Variants in MGAT5B observed in about 807,000 individuals in gnomAD.
MGAT5B encodes the protein alpha-1,6-mannosylglycoprotein 6-beta-N-acetylglucosaminyltransferase B, also known as N-acetylglucosaminyl-transferase Vb.
Under a neutral mutation model 95.1 loss-of-function variants are expected in MGAT5B, and 54 were observed. That is an observed-to-expected ratio of 0.57 (90% CI 0.46 to 0.71). The LOEUF (loss-of-function observed/expected upper bound fraction) is 0.71. MGAT5B is among the 30% of genes least tolerant of loss of function. The probability of loss-of-function intolerance (pLI) is 0.00; values close to 1 mark genes in which losing one functional copy is unlikely to be tolerated. For missense variants in MGAT5B, 935 were observed against 1,088.6 expected, an observed-to-expected ratio of 0.86 and a Z score of 1.99; for synonymous variants, 464 against 451.0, an observed-to-expected ratio of 1.03 and a Z score of -0.36.
At chr17:76,877,467 TG>T (rs1257933601) in intron 2 of MGAT5B, among the ~76,000 whole-genome samples, 1 of 151,994 alleles carries the variant, frequency 6.6e-6, no homozygotes, top group Non-Finnish European at 1.5e-5. Context: ...GGATTGAACC[TG>T]GGGAAGGCTA....
intron 12 of MGAT5B, among the ~76,000 whole-genome samples, chr17:76,935,878 A>AC (rs1173887687): frequency 4.8e-5 from 4 of 83,956 alleles, no homozygotes; most frequent in South Asian, 3.3e-4. Flanking sequence ...CATTATATAT[A>AC]TTATATATTA....
Position 76,921,251 on chromosome 17 carries a change from G to A in MGAT5B, c.1026-3715G>A, listed in dbSNP as rs139165999. ...CCGGGACCACCTTGAAATTTCTGCG[G>A]CACCTGGCCTCACGTGTGACAGGTA... On this transcript the variant is annotated intron_variant, in intron 8 of 17. Transcript: ENST00000569840. Among the ~76,000 whole-genome samples the A allele has an allele frequency of 2.6e-3, 403 of 152,324 alleles. 2 individuals are homozygous for A. Among genetic ancestry groups the A allele is most frequent in the African/African-American group, 9.1e-3 (377 of 41,566 alleles).
At chr17:76,895,449 A>G (rs1968032157) in intron 3 of MGAT5B, among the ~76,000 whole-genome samples, 1 of 152,154 alleles carries the variant, frequency 6.6e-6, no homozygotes, top group African/African-American at 2.4e-5. Flanking sequence ...CCTGGGTGCT[A>G]AAAAGGTTGG....
At chr17:76,936,118 T>C (rs974457877) in intron 12 of MGAT5B, among the ~76,000 whole-genome samples, 1 of 151,550 alleles carries the variant, frequency 6.6e-6, no homozygotes, top group African/African-American at 2.4e-5. Flanking sequence ...CTCTTAACAG[T>C]GTCTTTCAGC....
At chr17:76,901,810 C>G (rs1377824871) in intron 3 of MGAT5B, among the ~76,000 whole-genome samples, 1 of 152,208 alleles carries the variant, frequency 6.6e-6, no homozygotes, top group Non-Finnish European at 1.5e-5. Context: ...CCCGGCTGTG[C>G]CTAGGAAAAG....
chr17:76,939,516 A>T (rs535396533), intron 13 of MGAT5B, among the ~76,000 whole-genome samples: 5 of 150,704 alleles, frequency 3.3e-5, no homozygotes, highest in South Asian at 4.2e-4. Flanking sequence ...CCGTCTCAAA[A>T]TTTTTTTTCA....
chr17:76,940,787 C>T lies in MGAT5B; in HGVS notation c.1787C>T (p.Thr596Ile). Residue 596 changes from threonine to isoleucine, a missense_variant, in exon 15 of 18, where the codon ACA becomes ATA. Around this residue, in one of 4 missense-constraint regions of MGAT5B, gnomAD observed 440 missense variants for 523.6 expected, o/e 0.84. Transcript: ENST00000569840. The surrounding 1 kb of genome is among the most constrained non-coding windows in gnomAD (Gnocchi z 4.3). Reference sequence around the variant, plus strand: ...TTCATCGGCAAGCCCCACGTGTGGACAGTCGACTACAACAACTCAGAGGAG... The same window carrying T: ...TTCATCGGCAAGCCCCACGTGTGGATAGTCGACTACAACAACTCAGAGGAG... ...ENFIGKPHVW[T>I]VDYNNSEEFE... is the part of the protein sequence containing the mutation. The T allele has an allele frequency of 6.2e-7, 1 of 1,614,150 alleles. No homozygotes were observed. The highest frequency in any genetic ancestry group is 8.5e-7 in the Non-Finnish European group (1 of 1,180,036).
At position 76,914,357 on chromosome 17, in the gene MGAT5B, G is replaced by A. The variant is rs1042643677; in HGVS notation, c.1025+8170G>A. On this transcript the variant is annotated intron_variant, in intron 8 of 17. Coordinates refer to ENST00000569840, the MANE Select transcript of MGAT5B (RefSeq NM_001199172.2). The surrounding 1 kb of genome is among the most constrained non-coding windows in gnomAD (Gnocchi z 5.1). ...AGCCGGGAGGAGAAAGAGCGCAGGA[G>A]CAGGGGTTACAGAATCGCAGGCAGG... 2.0e-5 allele frequency among the ~76,000 whole-genome samples: 3 copies of A among 152,208 alleles called. No individual in the cohort carries two copies. Among genetic ancestry groups the A allele is most frequent in the Non-Finnish European group, 4.4e-5 (3 of 68,038 alleles).
intron 12 of MGAT5B, among the ~76,000 whole-genome samples, chr17:76,934,699 T>C (rs1969598087): frequency 6.6e-6 from 1 of 152,186 alleles, no homozygotes; most frequent in South Asian, 2.1e-4. Flanking sequence ...TTATGAAGTC[T>C]GGAAAGAGAA....
At chr17:76,937,858 C>A in intron 12 of MGAT5B, 130 bp from the exon 13 acceptor site, 2 of 1,092,500 alleles carry the variant, frequency 1.8e-6, no homozygotes, top group Non-Finnish European at 2.6e-6. Context: ...CCCAGTGTCC[C>A]ACAGCCAGTT....
In MGAT5B at chr17:76,906,270, T is replaced by A. The variant is rs966197507; in HGVS notation, c.1025+83T>A. ...CCCCACCCCTCCCTCCCAGGGGCTG[T>A]GGGAGCACCTGCTCTGCCTGCAGGT... is the stretch of plus-strand genomic sequence containing the variant. On this transcript the variant is annotated intron_variant, in intron 8 of 17. Coordinates refer to ENST00000569840, the MANE Select transcript of MGAT5B (RefSeq NM_001199172.2). The surrounding 1 kb of genome is among the most constrained non-coding windows in gnomAD (Gnocchi z 4.6). The A allele has an allele frequency of 1.5e-6, 2 of 1,370,702 alleles. No homozygotes were observed. The highest frequency in any genetic ancestry group is 2.7e-5 in the East Asian group (1 of 36,794). 84.9% of individuals were successfully genotyped at this position (1,370,702 alleles called of 1,614,324 possible).
Position 76,924,910 on chromosome 17 carries a change from G to A in MGAT5B, c.1026-56G>A, listed in dbSNP as rs569794326. 1.1e-4 allele frequency: 180 copies of A among 1,602,892 alleles called. 1 individual carries two copies. The South Asian group carries it at 1.9e-3, about 17-fold the overall frequency. ...TTCTGGGCTCTAAGGAACTGGGGTG[G>A]CCGGTTGGGCAGGTGGGTTTCTTGG... On this transcript the variant is annotated intron_variant, in intron 8 of 17. Coordinates refer to ENST00000569840, the MANE Select transcript of MGAT5B (RefSeq NM_001199172.2).
At chr17:76,902,767 C>CGAATTCTCCT (rs997492795) in intron 4 of MGAT5B, 97 bp downstream of exon 4, 7 of 942,580 alleles carry the variant, frequency 7.4e-6, no homozygotes, top group Non-Finnish European at 1.1e-5. Context: ...GGGGTGTGGC[C>CGAATTCTCCT]GACTTCTCCT....
Position 76,906,238 on chromosome 17 carries a change from A to T in MGAT5B, c.1025+51A>T. On this transcript the variant is annotated intron_variant, in intron 8 of 17. Transcript: ENST00000569840. This position sits in a 1 kb window ranked among gnomAD's most constrained non-coding sequence, Gnocchi z 4.6. ...ATTAAGTGGGGCAGGGAGGGGATGAAGGGGAACCCCACCCCTCCCTCCCAG... is the reference window on the plus strand; with the variant it reads ...ATTAAGTGGGGCAGGGAGGGGATGATGGGGAACCCCACCCCTCCCTCCCAG... 5.2e-6 allele frequency: 8 copies of T among 1,531,518 alleles called. No homozygotes were observed. In the South Asian group the frequency reaches 9.9e-5, roughly 19 times the overall value. 94.9% of individuals were successfully genotyped at this position (1,531,518 alleles called of 1,614,324 possible).
At chr17:76,935,403 T>TCCTACC (rs1420413648) in intron 12 of MGAT5B, among the ~76,000 whole-genome samples, 1 of 58,396 alleles carries the variant, frequency 1.7e-5, no homozygotes, top group African/African-American at 5.2e-5. Flanking sequence ...GTTAATACTG[T>TCCTACC]AGAAGTGTGT....
Position 76,905,973 on chromosome 17 carries a change from A to G in MGAT5B, c.856-45A>G. 1 of 1,533,456 alleles carries G rather than the reference A, an allele frequency of 6.5e-7. No homozygotes were observed. The highest frequency in any genetic ancestry group is 8.7e-7 in the Non-Finnish European group (1 of 1,144,334). 95.0% of individuals were successfully genotyped at this position (1,533,456 alleles called of 1,614,324 possible). ...GGTGCCCCGGGGGGGCGGGGCTCAG[A>G]GCTGCTGCTCCTCTCTGCTGACCCT... On this transcript the variant is annotated intron_variant, in intron 7 of 17. Transcript: ENST00000569840. The surrounding 1 kb of genome is among the most constrained non-coding windows in gnomAD (Gnocchi z 4.2).
chr17:76,929,007 A>G (rs1969402664), intron 10 of MGAT5B, among the ~76,000 whole-genome samples: 1 of 151,944 alleles, frequency 6.6e-6, no homozygotes, highest in African/African-American at 2.4e-5. Flanking sequence ...CTGGGACCAC[A>G]GGCACACGTC....
intron 10 of MGAT5B, 134 bp downstream of exon 10, chr17:76,926,864 A>C: frequency 4.6e-6 from 5 of 1,090,496 alleles, no homozygotes; most frequent in Non-Finnish European, 5.3e-6. Flanking sequence ...GGACCCAGCA[A>C]GCATCGCCTT....
At chr17:76,935,038 TC>T (rs1477393861) in intron 12 of MGAT5B, among the ~76,000 whole-genome samples, 1 of 152,182 alleles carries the variant, frequency 6.6e-6, no homozygotes, top group African/African-American at 2.4e-5. Flanking sequence ...TCTGTCTTAT[TC>T]TGCATTCCCC....
Sources: allele counts gnomAD v4.1 joint callset (sites outside exome capture counted in the v4.1 genomes callset), GRCh38; gene constraint gnomAD v4.1.1; regional missense constraint gnomAD v4.1.1; non-coding constraint Gnocchi (gnomAD v3.1); transcripts MANE v1.5; gene names NCBI Gene and HGNC (gene_info 2026-07-23, HGNC 2026-07-21).